NDUFAF6: variants seen among roughly 807,000 people sequenced by gnomAD.
The protein encoded by NDUFAF6 is NADH dehydrogenase (ubiquinone) complex I, assembly factor 6.
Under a neutral mutation model 40.8 loss-of-function variants are expected in NDUFAF6, and 45 were observed. The observed-to-expected ratio is 1.10, with a 90% CI of 0.87 to 1.42. The LOEUF is 1.42. Among genes scored for constraint, NDUFAF6 ranks in the 40% most tolerant of loss-of-function variants. NDUFAF6 has a pLI of 0.00. For missense variants in NDUFAF6, 435 were observed against 418.5 expected, an observed-to-expected ratio of 1.04 and a Z score of -0.34; for synonymous variants, 185 against 155.9, an observed-to-expected ratio of 1.19 and a Z score of -1.39.
intron 2 of NDUFAF6, among the ~76,000 whole-genome samples, chr8:94,985,504 TA>T (rs1563770844): frequency 7.6e-4 from 6 of 7,932 alleles, no homozygotes; most frequent in African/African-American, 2.6e-3. Flanking sequence ...TATATATATA[TA>T]TATATATATA....
chr8:94,903,734 G>A (rs1818183753), intron 1 of NDUFAF6, among the ~76,000 whole-genome samples: 1 of 152,172 alleles, frequency 6.6e-6, no homozygotes, highest in Non-Finnish European at 1.5e-5. Flanking sequence ...ACTGAGTGAT[G>A]GATGCACAGA....
chr8:95,058,734 T>G, downstream of NDUFAF6: 1 of 993,036 alleles, frequency 1.0e-6, no homozygotes, highest in African/African-American at 1.7e-5. Context: ...GCGCTATACA[T>G]TGTGCTTCCC....
rs1830806632 is a variant in NDUFAF6, at chr8:95,046,706, T to C, written c.581-288T>C. On this transcript the variant is annotated intron_variant, in intron 5 of 8. Coordinates refer to ENST00000396124, the MANE Select transcript of NDUFAF6 (RefSeq NM_152416.4). ...GCACAGAGGAGAAGAAATGGAAGACTTGTAAAGTTTTTCCATGATAGCCGA... is the reference window on the plus strand; with the variant it reads ...GCACAGAGGAGAAGAAATGGAAGACCTGTAAAGTTTTTCCATGATAGCCGA... Among the ~76,000 whole-genome samples, 3 of 152,206 alleles carry C rather than the reference T, an allele frequency of 2.0e-5. No individual in the cohort carries two copies. In the South Asian group the frequency reaches 6.2e-4, roughly 31 times the overall value.
chr8:95,086,492 C>T (rs555719696), intron 2 of NDUFAF6, among the ~76,000 whole-genome samples: 3 of 152,192 alleles, frequency 2.0e-5, no homozygotes, highest in African/African-American at 7.2e-5. Flanking sequence ...GCAAACTGTC[C>T]GAAATGGCCT....
intron 9 of NDUFAF6, among the ~76,000 whole-genome samples, chr8:95,074,196 C>T (rs1832961951): frequency 6.6e-6 from 1 of 151,630 alleles, no homozygotes; most frequent in Non-Finnish European, 1.5e-5. Flanking sequence ...TTAAAATTCT[C>T]TATAATAAGG....
intron 4 of NDUFAF6, among the ~76,000 whole-genome samples, chr8:95,109,219 A>G (rs1809925442): frequency 1.3e-5 from 2 of 152,248 alleles, no homozygotes; most frequent in Admixed American, 6.5e-5. Context: ...AATATTAGTT[A>G]GTTGGGCAAT....
intron 1 of NDUFAF6, among the ~76,000 whole-genome samples, chr8:95,031,230 G>GTGGGGGC (rs1461000633): frequency 1.3e-5 from 2 of 152,224 alleles, no homozygotes; most frequent in Non-Finnish European, 2.9e-5. Flanking sequence ...GGAATGTGGG[G>GTGGGGGC]TGGGGGCTGG....
chr8:95,028,804 A>G lies in NDUFAF6; in HGVS notation c.198-3191A>G, dbSNP rs77406255. ...CATTCAGTGTTTTTCTCACTGTTTCATGTTAACTTCAAGTGTTTTAAACAC... is the reference window on the plus strand; with the variant it reads ...CATTCAGTGTTTTTCTCACTGTTTCGTGTTAACTTCAAGTGTTTTAAACAC... On this transcript the variant is annotated intron_variant, in intron 1 of 8. Coordinates refer to ENST00000396124, the MANE Select transcript of NDUFAF6 (RefSeq NM_152416.4). Among the ~76,000 whole-genome samples the G allele has an allele frequency of 3.1e-3, 465 of 152,282 alleles. 6 individuals are homozygous for G. In the East Asian group the frequency reaches 0.043, roughly 14 times the overall value.
chr8:95,013,044 A>G (rs1225363854), intron 2 of NDUFAF6, among the ~76,000 whole-genome samples: 1 of 151,538 alleles, frequency 6.6e-6, no homozygotes, highest in Admixed American at 6.6e-5. Flanking sequence ...CTACTCTTCT[A>G]TTTTCAAAGG....
chr8:95,049,492 C>T (rs905281543), intron 7 of NDUFAF6, among the ~76,000 whole-genome samples: 2 of 152,190 alleles, frequency 1.3e-5, no homozygotes, highest in Non-Finnish European at 2.9e-5. Flanking sequence ...ATTTCAGTGG[C>T]TCTTGAAGAC....
intron 1 of NDUFAF6, among the ~76,000 whole-genome samples, chr8:95,027,118 A>G (rs1303195261): frequency 6.6e-6 from 1 of 152,162 alleles, no homozygotes; most frequent in Non-Finnish European, 1.5e-5. Flanking sequence ...AGTTTTTCTC[A>G]AGTATATATA....
intron 2 of NDUFAF6, among the ~76,000 whole-genome samples, chr8:94,999,096 C>T (rs1285547956): frequency 2.0e-5 from 3 of 151,100 alleles, no homozygotes; most frequent in Admixed American, 6.6e-5. Flanking sequence ...AAATGTACTC[C>T]GGTATTTTTC....
chr8:94,904,217 C>T (rs111418374), intron 1 of NDUFAF6, among the ~76,000 whole-genome samples: 37 of 150,800 alleles, frequency 2.5e-4, no homozygotes, highest in African/African-American at 8.3e-4. Flanking sequence ...GATCTCGGCT[C>T]ACTGCAACCT....
chr8:95,058,028 G>A lies in NDUFAF6; in HGVS notation c.*91G>A. 1.3e-6 allele frequency: 2 copies of A among 1,506,594 alleles called. No homozygotes were observed. The highest frequency in any genetic ancestry group is 1.8e-6 in the Non-Finnish European group (2 of 1,127,568). 93.3% of individuals were successfully genotyped at this position (1,506,594 alleles called of 1,614,324 possible). On this transcript the variant is annotated 3_prime_UTR_variant, in exon 9 of 9. Coordinates refer to ENST00000396124, the MANE Select transcript of NDUFAF6 (RefSeq NM_152416.4). ...AGGAACAACAGGAAATGACTGTTAAGGAGAAAATGAATTTATTGAATGGGA... is the reference window on the plus strand; with the variant it reads ...AGGAACAACAGGAAATGACTGTTAAAGAGAAAATGAATTTATTGAATGGGA...
chr8:95,035,704 T>G (rs890116112), intron 3 of NDUFAF6, 128 bp downstream of exon 3: 12 of 921,636 alleles, frequency 1.3e-5, no homozygotes, highest in African/African-American at 1.0e-4. Flanking sequence ...GCTTATGTAT[T>G]CAGAGCTGTT....
intron 2 of NDUFAF6, among the ~76,000 whole-genome samples, chr8:95,014,435 G>A (rs73697055): frequency 0.028 from 4,320 of 152,298 alleles, 178 homozygotes; most frequent in African/African-American, 0.092. Flanking sequence ...GGGAAAGGGA[G>A]GAGACAGGCT....
At chr8:95,030,832 G>C (rs961365935) in intron 1 of NDUFAF6, among the ~76,000 whole-genome samples, 2 of 152,230 alleles carry the variant, frequency 1.3e-5, no homozygotes, top group Admixed American at 1.3e-4. Flanking sequence ...TGTGCAAGAA[G>C]CATGGCACCA....
At chr8:94,971,021 T>C (rs1465756908) in intron 1 of NDUFAF6, among the ~76,000 whole-genome samples, 1 of 152,190 alleles carries the variant, frequency 6.6e-6, no homozygotes, top group South Asian at 2.1e-4. Flanking sequence ...CCTGGGAGTA[T>C]AAAGATAATT....
At chr8:94,959,555 C>CAG (rs3039198) in intron 1 of NDUFAF6, among the ~76,000 whole-genome samples, 94,638 of 148,848 alleles carry the variant, frequency 0.64, 31,328 homozygotes, top group East Asian at 0.78. Context: ...TTTTTAGAGA[C>CAG]AGTCTTGCTT....
Sources: gnomAD v4.1 joint callset for allele counts (sites outside exome capture counted in the v4.1 genomes callset) on GRCh38, gnomAD v4.1.1 for gene constraint, MANE v1.5 for transcripts, NCBI Gene and HGNC (gene_info 2026-07-23, HGNC 2026-07-21) for gene names.